Variants in ZNF503 observed in about 807,000 individuals in gnomAD.
ZNF503 encodes zinc finger protein 503.
A neutral mutation model predicts 34.4 loss-of-function variants in ZNF503; 15 were observed. The observed-to-expected ratio is 0.44, with a 90% CI of 0.29 to 0.67. The LOEUF is 0.67. Among genes scored for constraint, ZNF503 ranks in the 30% least tolerant of loss-of-function variants. The probability of loss-of-function intolerance (pLI) is 0.13; values close to 1 mark genes in which losing one functional copy is unlikely to be tolerated. For synonymous variants in ZNF503, 580 were observed against 456.8 expected (o/e 1.27, Z -3.44); for missense variants, 1,007 against 926.8 (o/e 1.09, Z -1.12).
the ZNF503 span, among the ~76,000 whole-genome samples, chr10:75,301,794 T>C: frequency 6.6e-6 from 1 of 152,232 alleles, no homozygotes; most frequent in Admixed American, 6.5e-5. Flanking sequence ...TTCTGCTCTA[T>C]ACTGTTGTCA....
chr10:75,358,454 G>A, the ZNF503 span: 1 of 152,234 alleles, frequency 6.6e-6, no homozygotes, highest in African/African-American at 2.4e-5. Flanking sequence ...TGGGGTGAGA[G>A]CGTGTATGTA....
the ZNF503 span, among the ~76,000 whole-genome samples, chr10:75,312,375 A>G: frequency 6.6e-6 from 1 of 152,184 alleles, no homozygotes; most frequent in Non-Finnish European, 1.5e-5. Context: ...GAATCAAGAG[A>G]AAAGAATCAG....
the ZNF503 span, among the ~76,000 whole-genome samples, chr10:75,339,059 C>T: frequency 6.6e-6 from 1 of 152,064 alleles, no homozygotes; most frequent in African/African-American, 2.4e-5. Context: ...GGTGAAACCT[C>T]GTCTCTACTA....
chr10:75,312,838 C>T, the ZNF503 span, among the ~76,000 whole-genome samples: 2 of 152,116 alleles, frequency 1.3e-5, no homozygotes, highest in Non-Finnish European at 2.9e-5. Context: ...TCAAATCTCA[C>T]CTTGAATTGT....
At chr10:75,302,480 A>G in the ZNF503 span, among the ~76,000 whole-genome samples, 1 of 152,152 alleles carries the variant, frequency 6.6e-6, no homozygotes, top group Admixed American at 6.5e-5. Flanking sequence ...TAGAATGCTA[A>G]TTACAGATAT....
At chr10:75,290,233 A>G in the ZNF503 span, among the ~76,000 whole-genome samples, 8 of 152,208 alleles carry the variant, frequency 5.3e-5, no homozygotes, top group Non-Finnish European at 7.3e-5. Context: ...TTATCCATTC[A>G]TCTATCGATG....
the ZNF503 span, among the ~76,000 whole-genome samples, chr10:75,365,200 G>A: frequency 0.4 from 60,840 of 152,134 alleles, 12,945 homozygotes; most frequent in African/African-American, 0.55. Context: ...CCAGGCTGGA[G>A]TGCAGTGGAG....
chr10:75,303,972 T>A, the ZNF503 span, among the ~76,000 whole-genome samples: 1 of 152,060 alleles, frequency 6.6e-6, no homozygotes, highest in East Asian at 1.9e-4. Flanking sequence ...TAGCTGGGAT[T>A]ACAGGTGCAT....
the ZNF503 span, among the ~76,000 whole-genome samples, chr10:75,315,368 A>T: frequency 2.0e-5 from 3 of 152,210 alleles, no homozygotes; most frequent in Non-Finnish European, 4.4e-5. Context: ...TCAAAACAAA[A>T]ATGAAAACAA....
downstream of ZNF503, among the ~76,000 whole-genome samples, chr10:75,395,371 C>T (rs889655062): frequency 6.6e-6 from 1 of 152,178 alleles, no homozygotes; most frequent in African/African-American, 2.4e-5. This position sits in a 1 kb window ranked among gnomAD's most constrained non-coding sequence, Gnocchi z 4.4. Flanking sequence ...TCCTGGACAC[C>T]GCTCCCAAAG....
the ZNF503 span, among the ~76,000 whole-genome samples, chr10:75,391,038 T>C: frequency 6.6e-6 from 1 of 152,346 alleles, no homozygotes; most frequent in Admixed American, 6.5e-5. Flanking sequence ...GATTAGGTTC[T>C]ACCTTTATGA....
the ZNF503 span, among the ~76,000 whole-genome samples, chr10:75,313,947 C>A: frequency 6.6e-6 from 1 of 152,200 alleles, no homozygotes; most frequent in Non-Finnish European, 1.5e-5. Flanking sequence ...TGAGTGAAGT[C>A]ATTTCTCTCC....
chr10:75,300,436 G>A, the ZNF503 span, among the ~76,000 whole-genome samples: 12 of 152,186 alleles, frequency 7.9e-5, no homozygotes, highest in East Asian at 1.4e-3. Flanking sequence ...CGAAAATGAC[G>A]GGATTAAGGG....
At chr10:75,280,529 C>T in the ZNF503 span, among the ~76,000 whole-genome samples, 1 of 149,804 alleles carries the variant, frequency 6.7e-6, no homozygotes, top group African/African-American at 2.5e-5. Context: ...TTGTGGTGGG[C>T]TTGGTATCTT....
chr10:75,398,684 G>GCCTCTCCCTGGACTCCTCCCCTCCC lies in ZNF503; in HGVS notation c.*40_*64dup, dbSNP rs1843735002. 5 of 1,294,068 alleles carry GCCTCTCCCTGGACTCCTCCCCTCCC rather than the reference G, an allele frequency of 3.9e-6. No individual in the cohort carries two copies. Among genetic ancestry groups the GCCTCTCCCTGGACTCCTCCCCTCCC allele is most frequent in the Admixed American group, 7.6e-5 (2 of 26,366 alleles). The allele number at this position is 1,294,068 out of a possible 1,614,324, so 80.2% of individuals were successfully genotyped here. ...TGTCAGCAGCCTGGGCCGTGATCCC[G>GCCTCTCCCTGGACTCCTCCCCTCCC]CCTCTCCCTGGACTCCTCCCCTCCC... On this transcript the variant is annotated 3_prime_UTR_variant, in exon 2 of 2. Transcript: ENST00000372524.
At chr10:75,352,917 G>A in the ZNF503 span, among the ~76,000 whole-genome samples, 16 of 152,304 alleles carry the variant, frequency 1.1e-4, no homozygotes, top group Non-Finnish European at 2.1e-4. Flanking sequence ...CCCCAGCCAC[G>A]CCTGTCTGCA....
At chr10:75,387,167 C>A in the ZNF503 span, among the ~76,000 whole-genome samples, 1 of 152,230 alleles carries the variant, frequency 6.6e-6, no homozygotes, top group African/African-American at 2.4e-5. Flanking sequence ...AGGGCTTCCC[C>A]GGAGAATCCC....
the ZNF503 span, among the ~76,000 whole-genome samples, chr10:75,350,022 G>C: frequency 6.6e-6 from 1 of 152,190 alleles, no homozygotes; most frequent in Admixed American, 6.5e-5. Flanking sequence ...ACAACATTAA[G>C]TGAAAAGAGC....
At chr10:75,354,217 CAA>C in the ZNF503 span, among the ~76,000 whole-genome samples, 13 of 152,270 alleles carry the variant, frequency 8.5e-5, no homozygotes, top group African/African-American at 3.1e-4. Flanking sequence ...GGCCACTAGA[CAA>C]GAGAACATGG....
Sources: gnomAD v4.1 joint callset for allele counts (sites outside exome capture counted in the v4.1 genomes callset) on GRCh38, gnomAD v4.1.1 for gene constraint, Gnocchi (gnomAD v3.1) non-coding constraint, MANE v1.5 for transcripts, NCBI Gene and HGNC (gene_info 2026-07-23, HGNC 2026-07-21) for gene names.